PIK3R5: variants seen among roughly 807,000 people sequenced by gnomAD.
PIK3R5 encodes phosphoinositide-3-kinase regulatory subunit 5, also known as phosphoinositide 3-kinase regulatory subunit 5.
In PIK3R5, 32 loss-of-function variants were observed where a neutral mutation model predicts 94.9. The observed-to-expected ratio is 0.34, with a 90% CI of 0.25 to 0.45. The LOEUF is 0.45. Ranked by LOEUF, PIK3R5 falls within the 20% of genes least tolerant of loss-of-function variation. PIK3R5 has a pLI of 1.00. For missense variants in PIK3R5, 853 were observed against 1,144.6 expected (o/e 0.75, Z 3.68); for synonymous variants, 443 against 479.4 (o/e 0.92, Z 0.99).
intron 1 of PIK3R5, among the ~76,000 whole-genome samples, chr17:8,923,282 C>T (rs888785813): frequency 6.6e-6 from 1 of 152,024 alleles, no homozygotes; most frequent in Non-Finnish European, 1.5e-5. Context: ...GGTACAGTAC[C>T]GAAAAGACAA....
intron 18 of PIK3R5, 45 bp from the exon 19 acceptor site, chr17:8,880,831 C>T (rs767999600): frequency 6.2e-7 from 1 of 1,612,746 alleles, no homozygotes; most frequent in Admixed American, 1.7e-5. Context: ...GGCCCCCATC[C>T]TTCCAGCTCC....
chr17:8,899,183 T>C (rs1346679286), intron 5 of PIK3R5, among the ~76,000 whole-genome samples: 1 of 152,228 alleles, frequency 6.6e-6, no homozygotes, highest in Non-Finnish European at 1.5e-5. Context: ...ACCTCCAGAA[T>C]TGAGGCACTG....
intron 1 of PIK3R5, among the ~76,000 whole-genome samples, chr17:8,914,282 G>A (rs61758026): frequency 0.038 from 5,808 of 152,286 alleles, 157 homozygotes; most frequent in Non-Finnish European, 0.053. Context: ...GGACTTGTTC[G>A]AGGCAGCTGG....
Position 8,889,838 on chromosome 17 carries a change from G to C in PIK3R5, c.811+135C>G, listed in dbSNP as rs1409660102. 3 of 848,400 alleles carry C rather than the reference G, an allele frequency of 3.5e-6. 1 individual carries two copies. The highest frequency in any genetic ancestry group is 5.1e-5 in the East Asian group (2 of 39,122). 52.6% of individuals were successfully genotyped at this position (848,400 alleles called of 1,614,324 possible). ...AGACACCCTAGGGGATGGCAGAGCA[G>C]TGAGATGCTGAAGAAGCTGAGTCCC... On this transcript the variant is annotated intron_variant, in intron 8 of 18. Coordinates refer to ENST00000447110, the MANE Select transcript of PIK3R5 (RefSeq NM_001142633.3). The surrounding 1 kb of genome is among the most constrained non-coding windows in gnomAD (Gnocchi z 4.1).
Position 8,911,355 on chromosome 17 carries a change from G to C in PIK3R5, c.103+37C>G, listed in dbSNP as rs2090519699. 5 of 1,532,540 alleles carry C rather than the reference G, an allele frequency of 3.3e-6. No individual in the cohort carries two copies. The highest frequency in any genetic ancestry group is 1.1e-5 in the South Asian group (1 of 89,698). The allele number at this position is 1,532,540 out of a possible 1,614,324, so 94.9% of individuals were successfully genotyped here. ...CCACCGTGGCCCCTGAGGCTTCCTT[G>C]AGCCCTCAAACACCTCCCCGGCTCC... On this transcript the variant is annotated intron_variant, in intron 2 of 18. Transcript: ENST00000447110. The surrounding 1 kb of genome is among the most constrained non-coding windows in gnomAD (Gnocchi z 5.3).
chr17:8,936,202 T>C (rs1021692141), intron 1 of PIK3R5, among the ~76,000 whole-genome samples: 17 of 152,342 alleles, frequency 1.1e-4, no homozygotes, highest in African/African-American at 3.6e-4. Flanking sequence ...CAGTTTCCTC[T>C]ATTATTAATA....
chr17:8,965,370 A>T (rs1293439726), intron 1 of PIK3R5, among the ~76,000 whole-genome samples: 1 of 152,106 alleles, frequency 6.6e-6, no homozygotes, highest in African/African-American at 2.4e-5. Context: ...GGTCCCCGCG[A>T]CGCCCCTTAA....
At position 8,886,504 on chromosome 17, in the gene PIK3R5, C is replaced by T. The variant is rs199605025; in HGVS notation, c.2007G>A (p.Pro669=). The T allele has an allele frequency of 5.0e-6, 8 of 1,609,494 alleles. No homozygotes were observed. The highest frequency in any genetic ancestry group is 3.3e-5 in the South Asian group (3 of 90,358). ...CGGTCTGATAGACTTGCAGCAGCAC[C>T]GGTCTGGCGGCAAAGCGGCAGTAGT... ...LLYYCRFAAR[P]VLLQVYQTEL... Residue 669 remains proline, a synonymous_variant, in exon 13 of 19, where the codon CCG becomes CCA. Coordinates refer to ENST00000447110, the MANE Select transcript of PIK3R5 (RefSeq NM_001142633.3).
Position 8,882,124 on chromosome 17 carries a change from G to A in PIK3R5, c.2206-243C>T, listed in dbSNP as rs2089684335. The stretch of plus-strand genomic sequence containing the variant: ...TGTGACCAGGTTGAAAGGTACAAGA[G>A]CTGAGAGCACCTGCAGGGGTGGTCC... On this transcript the variant is annotated intron_variant, in intron 15 of 18. Transcript: ENST00000447110. The surrounding 1 kb of genome is among the most constrained non-coding windows in gnomAD (Gnocchi z 4.1). 1 of 530,102 alleles carries A rather than the reference G, an allele frequency of 1.9e-6. No individual in the cohort carries two copies. The highest frequency in any genetic ancestry group is 3.2e-5 in the East Asian group (1 of 30,938). The allele number at this position is 530,102 out of a possible 1,614,324, so 32.8% of individuals were successfully genotyped here.
chr17:8,915,889 G>A, intron 1 of PIK3R5: 1 of 153,062 alleles, frequency 6.5e-6, no homozygotes, highest in South Asian at 2.0e-4. Flanking sequence ...ATGCCTGACT[G>A]CCCATGGCTT....
In PIK3R5 at chr17:8,881,127, C is replaced by T; in HGVS notation, c.2383-110G>A. 1 of 837,432 alleles carries T rather than the reference C, an allele frequency of 1.2e-6. No homozygotes were observed. Among genetic ancestry groups the T allele is most frequent in the Non-Finnish European group, 2.0e-6 (1 of 495,626 alleles). 51.9% of individuals were successfully genotyped at this position (837,432 alleles called of 1,614,324 possible). On this transcript the variant is annotated intron_variant, in intron 17 of 18. Coordinates refer to ENST00000447110, the MANE Select transcript of PIK3R5 (RefSeq NM_001142633.3). This position sits in a 1 kb window ranked among gnomAD's most constrained non-coding sequence, Gnocchi z 4.8. ...ATCCACTTCTAGGGGTGTGGGAGGG[C>T]AGGGGTTTGTCTGACTGCGCTCCAG...
At chr17:8,939,887 C>T (rs1450934085) in intron 1 of PIK3R5, among the ~76,000 whole-genome samples, 2 of 152,130 alleles carry the variant, frequency 1.3e-5, no homozygotes, top group East Asian at 1.9e-4. Context: ...GCCCCAATGT[C>T]CTTCCCTACT....
Position 8,911,705 on chromosome 17 carries a change from G to T in PIK3R5, c.-13-198C>A, listed in dbSNP as rs1309745074. On this transcript the variant is annotated intron_variant, in intron 1 of 18. Transcript: ENST00000447110. The surrounding 1 kb of genome is among the most constrained non-coding windows in gnomAD (Gnocchi z 5.3). ...GCATCTGGAGGGCCACATCTGAGTG[G>T]CAGGACAGAGCACCCCTGCAGCAGA... 2 of 544,092 alleles carry T rather than the reference G, an allele frequency of 3.7e-6. No homozygotes were observed. Among genetic ancestry groups the T allele is most frequent in the Non-Finnish European group, 6.6e-6 (2 of 301,642 alleles). The allele number at this position is 544,092 out of a possible 1,614,324, so 33.7% of individuals were successfully genotyped here.
At chr17:8,954,518 G>A (rs1443586081) in intron 1 of PIK3R5, among the ~76,000 whole-genome samples, 1 of 152,166 alleles carries the variant, frequency 6.6e-6, no homozygotes, top group Non-Finnish European at 1.5e-5. Flanking sequence ...CACTTCCCCA[G>A]GCTCTTATGC....
intron 5 of PIK3R5, among the ~76,000 whole-genome samples, chr17:8,894,852 C>T (rs995643972): frequency 6.6e-6 from 1 of 150,612 alleles, no homozygotes; most frequent in Non-Finnish European, 1.5e-5. Flanking sequence ...GCAGGACGTC[C>T]CCTCAGAAGT....
At position 8,890,007 on chromosome 17, in the gene PIK3R5, C is replaced by T. The variant is rs764903883; in HGVS notation, c.777G>A (p.Ala259=). The change falls in exon 8 of 19, where the codon GCG becomes GCA. Residue 259 remains alanine (A), a synonymous_variant. Transcript: ENST00000447110. This position sits in a 1 kb window ranked among gnomAD's most constrained non-coding sequence, Gnocchi z 6.1. ...ARRWLRTKLQ[A]VGEKAGFPGV... is the part of the protein sequence containing the mutation. ...CAGGGAAGCCAGCTTTTTCTCCCAC[C>T]GCCTGCAGCTTGGTCCTGAGCCACC... 1.2e-5 allele frequency: 20 copies of T among 1,613,790 alleles called. No homozygotes were observed. Among genetic ancestry groups the T allele is most frequent in the Admixed American group, 1.2e-4 (7 of 59,992 alleles).
At chr17:8,956,747 G>A (rs956805874) in intron 1 of PIK3R5, among the ~76,000 whole-genome samples, 1 of 152,180 alleles carries the variant, frequency 6.6e-6, no homozygotes, top group Non-Finnish European at 1.5e-5. Flanking sequence ...AAAACCCCAA[G>A]AACAAGAGGA....
rs371111171 is a variant in PIK3R5, at chr17:8,893,179, T to G, written c.482+407A>C. Among the ~76,000 whole-genome samples, 1 of 150,968 alleles carries G rather than the reference T, an allele frequency of 6.6e-6. No individual in the cohort carries two copies. Among genetic ancestry groups the G allele is most frequent in the African/African-American group, 2.4e-5 (1 of 40,940 alleles). On this transcript the variant is annotated intron_variant, in intron 6 of 18. Transcript: ENST00000447110. This position sits in a 1 kb window ranked among gnomAD's most constrained non-coding sequence, Gnocchi z 5.1. ...TGTTTTAGTAACAGACAGAAGGAGA[T>G]TGTGGAAATATCATGGGCTTCTGAA... is the stretch of plus-strand genomic sequence containing the variant.
chr17:8,917,142 C>G (rs537935548), intron 1 of PIK3R5, among the ~76,000 whole-genome samples: 2 of 152,074 alleles, frequency 1.3e-5, no homozygotes, highest in African/African-American at 2.4e-5. Flanking sequence ...AAGGATACAC[C>G]AGAAATTAAG....
Sources: allele counts gnomAD v4.1 joint callset (sites outside exome capture counted in the v4.1 genomes callset), GRCh38; gene constraint gnomAD v4.1.1; non-coding constraint Gnocchi (gnomAD v3.1); transcripts MANE v1.5; gene names NCBI Gene and HGNC (gene_info 2026-07-23, HGNC 2026-07-21).